Variants in ACSBG1 observed in about 807,000 individuals in gnomAD.
ACSBG1 encodes the protein long-chain-fatty-acid--CoA ligase ACSBG1.
A neutral mutation model predicts 80.2 loss-of-function variants in ACSBG1; 39 were observed. The ratio of observed to expected loss-of-function variants is 0.49; its 90% confidence interval spans 0.38 to 0.64. ACSBG1 has a LOEUF of 0.64. Ranked by LOEUF, ACSBG1 falls within the 30% of genes least tolerant of loss-of-function variation. ACSBG1 has a pLI of 0.00. For missense variants in ACSBG1, 828 were observed against 966.4 expected, an observed-to-expected ratio of 0.86 and a Z score of 1.90; for synonymous variants, 392 against 379.5, an observed-to-expected ratio of 1.03 and a Z score of -0.38.
rs71145901 is a variant in ACSBG1 at position 78,181,489 on chromosome 15, C to CTTT, written c.1071+477_1071+479dup. ...GACCTTATGTAATGGCATCAGGTTTCTTTTTTTTTTTTTTTTTTTTTTTTG... is the reference window on the plus strand; with the variant it reads ...GACCTTATGTAATGGCATCAGGTTTCTTTTTTTTTTTTTTTTTTTTTTTTTTTG... On this transcript the variant is annotated intron_variant, in intron 8 of 13. Transcript: ENST00000258873. Among the ~76,000 whole-genome samples the CTTT allele has an allele frequency of 4.9e-3, 409 of 83,042 alleles. 15 individuals carry two copies. Among genetic ancestry groups the CTTT allele is most frequent in the South Asian group, 0.018 (39 of 2,122 alleles). The allele number at this position is 83,042 out of a possible 152,430, so 54.5% of individuals were successfully genotyped here. A position where few individuals can be genotyped will look rare whatever the true frequency, so the allele number is the denominator to read the frequency against.
chr15:78,208,086 G>T lies in ACSBG1; in HGVS notation c.148C>A (p.Gln50Lys). ...TTCAGGGACTCTTTGGAGAGTGGCT[G>T]CCTGTCAGTCAGTGAGCTGGGGTGG... is the stretch of plus-strand genomic sequence containing the variant. ...KLKTSSLTDR[Q>K]PLSKESLNHA... Residue 50 changes from glutamine (Q) to lysine (K), a missense_variant, in exon 2 of 14, where the codon CAG becomes AAG. By Grantham distance (53) the Gln-to-Lys change is moderately conservative. Around this residue, in one of 3 missense-constraint regions of ACSBG1, gnomAD observed 356 missense variants for 363.5 expected, o/e 0.98. Coordinates refer to ENST00000258873, the MANE Select transcript of ACSBG1 (RefSeq NM_015162.5). 2 of 1,613,884 alleles carry T rather than the reference G, an allele frequency of 1.2e-6. No individual in the cohort carries two copies. Among genetic ancestry groups the T allele is most frequent in the African/African-American group, 1.3e-5 (1 of 75,032 alleles).
chr15:78,226,273 G>C (rs1191781477), intron 1 of ACSBG1, among the ~76,000 whole-genome samples: 1 of 152,094 alleles, frequency 6.6e-6, no homozygotes, highest in Non-Finnish European at 1.5e-5. Context: ...TTCTATGTTA[G>C]AAATGAATCA....
intron 13 of ACSBG1, among the ~76,000 whole-genome samples, chr15:78,173,327 A>T (rs2074845402): frequency 8.1e-6 from 1 of 123,192 alleles, no homozygotes; most frequent in African/African-American, 3.2e-5. Flanking sequence ...CCTGGGTGAC[A>T]CAGCGAGACT....
chr15:78,182,296 C>T (rs943000343), intron 7 of ACSBG1, 151 bp from the exon 8 acceptor site: 63 of 1,318,724 alleles, frequency 4.8e-5, no homozygotes, highest in South Asian at 1.5e-4. Context: ...CTCCCCTCCC[C>T]CTTGCTGAGC....
chr15:78,224,350 C>A (rs1436509185), intron 1 of ACSBG1, among the ~76,000 whole-genome samples: 1 of 152,178 alleles, frequency 6.6e-6, no homozygotes, highest in Non-Finnish European at 1.5e-5. Context: ...TGATTTAATG[C>A]ACTACATTTT....
intron 2 of ACSBG1, among the ~76,000 whole-genome samples, chr15:78,196,232 C>T (rs540677387): frequency 5.6e-4 from 85 of 152,334 alleles, no homozygotes; most frequent in African/African-American, 1.9e-3. Flanking sequence ...CACTAGGCCC[C>T]GTCCAATCAC....
intron 1 of ACSBG1, among the ~76,000 whole-genome samples, chr15:78,220,538 A>G (rs1428214747): frequency 6.6e-6 from 1 of 152,246 alleles, no homozygotes; most frequent in Non-Finnish European, 1.5e-5. Flanking sequence ...ATTAACCCAC[A>G]GAATGGGAGA....
At chr15:78,210,893 C>T (rs1168842892) in intron 1 of ACSBG1, among the ~76,000 whole-genome samples, 5 of 152,190 alleles carry the variant, frequency 3.3e-5, no homozygotes, top group East Asian at 1.9e-4. Context: ...GGATTATAGG[C>T]GCAAGTCACC....
At chr15:78,173,864 G>T in intron 12 of ACSBG1, 25 bp from the exon 13 acceptor site, 1 of 1,607,888 alleles carries the variant, frequency 6.2e-7, no homozygotes, top group South Asian at 1.1e-5. Context: ...ATCAGATGAG[G>T]ACCAAGCCTT....
intron 1 of ACSBG1, among the ~76,000 whole-genome samples, chr15:78,225,991 T>G (rs1277365262): frequency 6.6e-6 from 1 of 152,194 alleles, no homozygotes; most frequent in Non-Finnish European, 1.5e-5. Context: ...AATTCCTCCC[T>G]GAATGTTAGC....
intron 1 of ACSBG1, among the ~76,000 whole-genome samples, chr15:78,225,078 A>C (rs2075389069): frequency 6.6e-6 from 1 of 151,846 alleles, no homozygotes; most frequent in African/African-American, 2.4e-5. Context: ...ATTTATACTA[A>C]CAGCAACTGA....
At chr15:78,199,045 C>A (rs1595891769) in intron 2 of ACSBG1, among the ~76,000 whole-genome samples, 1 of 152,258 alleles carries the variant, frequency 6.6e-6, no homozygotes, top group East Asian at 1.9e-4. Flanking sequence ...TGGAGTCCAC[C>A]TTTTGTTTCT....
chr15:78,206,377 G>A (rs1381746450), intron 2 of ACSBG1, among the ~76,000 whole-genome samples: 1 of 152,180 alleles, frequency 6.6e-6, no homozygotes, highest in Non-Finnish European at 1.5e-5. Flanking sequence ...TCCTTCCTCA[G>A]CCTGTCCCTG....
chr15:78,221,662 G>A (rs906302330), intron 1 of ACSBG1, among the ~76,000 whole-genome samples: 16 of 152,104 alleles, frequency 1.1e-4, no homozygotes, highest in African/African-American at 3.9e-4. Context: ...CCCTTCCCAT[G>A]AGGCCATATC....
intron 5 of ACSBG1, among the ~76,000 whole-genome samples, chr15:78,186,489 CA>C (rs2075005925): frequency 6.6e-6 from 1 of 152,172 alleles, no homozygotes; most frequent in Admixed American, 6.5e-5. Flanking sequence ...GACCACAGTG[CA>C]ATCAAACTAG....
At chr15:78,210,889 T>C (rs956404735) in intron 1 of ACSBG1, among the ~76,000 whole-genome samples, 1 of 152,214 alleles carries the variant, frequency 6.6e-6, no homozygotes, top group African/African-American at 2.4e-5. Context: ...ACTGGGATTA[T>C]AGGCGCAAGT....
chr15:78,190,974 A>G (rs1246458273), intron 5 of ACSBG1, among the ~76,000 whole-genome samples: 1 of 152,240 alleles, frequency 6.6e-6, no homozygotes, highest in African/African-American at 2.4e-5. Context: ...ATTTCATCAG[A>G]TTGGATAAAA....
At chr15:78,199,749 G>A (rs2075149984) in intron 2 of ACSBG1, among the ~76,000 whole-genome samples, 1 of 149,028 alleles carries the variant, frequency 6.7e-6, no homozygotes, top group Non-Finnish European at 1.5e-5. Context: ...CTCCTACCTT[G>A]ACCTCCCAAA....
At chr15:78,202,194 T>A (rs1044462230) in intron 2 of ACSBG1, among the ~76,000 whole-genome samples, 3 of 152,082 alleles carry the variant, frequency 2.0e-5, no homozygotes, top group Non-Finnish European at 4.4e-5. Flanking sequence ...TTTACTTTTA[T>A]GTTCTTTCCT....
Sources: allele counts gnomAD v4.1 joint callset (sites outside exome capture counted in the v4.1 genomes callset), GRCh38; gene constraint gnomAD v4.1.1; regional missense constraint gnomAD v4.1.1; transcripts MANE v1.5; gene names NCBI Gene and HGNC (gene_info 2026-07-23, HGNC 2026-07-21).